TENM3: variants seen among roughly 807,000 people sequenced by gnomAD.
TENM3 encodes the protein teneurin transmembrane protein 3.
A neutral mutation model predicts 255.1 loss-of-function variants in TENM3; 63 were observed. The observed-to-expected ratio is 0.25, with a 90% confidence interval of 0.20 to 0.30. TENM3 has a LOEUF of 0.30. Among genes scored for constraint, TENM3 ranks in the 10% least tolerant of loss-of-function variants. The pLI, the probability that TENM3 is intolerant of heterozygous loss-of-function variation, is 1.00. For missense variants in TENM3, 2,929 were observed against 3,461.1 expected, an observed-to-expected ratio of 0.85 and a Z score of 3.86; for synonymous variants, 1,306 against 1,322.3, an observed-to-expected ratio of 0.99 and a Z score of 0.27.
chr4:182,616,711 C>G (rs1365685407), intron 4 of TENM3, among the ~76,000 whole-genome samples: 1 of 152,034 alleles, frequency 6.6e-6, no homozygotes, highest in Non-Finnish European at 1.5e-5. Context: ...TACAGAGCTT[C>G]TGAGGGCCAG....
the TENM3 span, among the ~76,000 whole-genome samples, chr4:181,515,966 T>C: frequency 1.3e-5 from 2 of 152,104 alleles, no homozygotes; most frequent in Admixed American, 6.5e-5. Flanking sequence ...CAATGGTAGA[T>C]TGGATAAAGA....
rs1012889793 is a variant in TENM3 at position 182,593,765 on chromosome 4, G to A, written c.512-7159G>A. Among the ~76,000 whole-genome samples, 6 of 152,084 alleles carry A rather than the reference G, an allele frequency of 3.9e-5. No homozygotes were observed. The East Asian group carries it at 9.7e-4, about 25-fold the overall frequency. ...CCTTTTACTTCCTCCCACATGAACC[G>A]AGCACACACATACAAATGCAGACAT... On this transcript the variant is annotated intron_variant, in intron 3 of 27. Transcript: ENST00000511685.
At chr4:181,863,359 A>C in the TENM3 span, among the ~76,000 whole-genome samples, 1 of 152,318 alleles carries the variant, frequency 6.6e-6, no homozygotes, top group Admixed American at 6.5e-5. Context: ...ACTACTAAAT[A>C]AAAATGTCAA....
chr4:182,428,543 T>C (rs1771398383), intron 3 of TENM3, among the ~76,000 whole-genome samples: 1 of 151,664 alleles, frequency 6.6e-6, no homozygotes, highest in South Asian at 2.1e-4. Context: ...ATGCCAATAG[T>C]TGGAGTTCTT....
chr4:182,603,784 T>TATATATATATATATATACACAC (rs58332965), intron 4 of TENM3, among the ~76,000 whole-genome samples: 3 of 134,164 alleles, frequency 2.2e-5, no homozygotes, highest in African/African-American at 8.2e-5. Flanking sequence ...TATATATATA[T>TATATATATATATATATACACAC]ACACACACAC....
intron 3 of TENM3, among the ~76,000 whole-genome samples, chr4:182,585,955 T>A (rs1745981213): frequency 6.6e-6 from 1 of 152,228 alleles, no homozygotes; most frequent in African/African-American, 2.4e-5. Flanking sequence ...TTTACTACTA[T>A]TTTAAAAGGC....
chr4:182,281,983 G>T (rs56133853), intron 1 of TENM3, among the ~76,000 whole-genome samples: 12 of 152,144 alleles, frequency 7.9e-5, no homozygotes, highest in African/African-American at 2.4e-4. Context: ...TAATCTGCCC[G>T]CCTCGGCCTC....
At chr4:181,606,358 C>T in the TENM3 span, among the ~76,000 whole-genome samples, 2 of 152,190 alleles carry the variant, frequency 1.3e-5, no homozygotes, top group Non-Finnish European at 2.9e-5. Flanking sequence ...CACTGACCTC[C>T]TCTTGTTCCT....
At chr4:181,921,984 G>A in the TENM3 span, among the ~76,000 whole-genome samples, 1 of 152,180 alleles carries the variant, frequency 6.6e-6, no homozygotes, top group Non-Finnish European at 1.5e-5. Context: ...TGCATCTATT[G>A]AGATAATCGT....
the TENM3 span, among the ~76,000 whole-genome samples, chr4:181,490,382 G>A: frequency 1.3e-5 from 2 of 152,136 alleles, no homozygotes; most frequent in African/African-American, 4.8e-5. Context: ...GACAGCCCAC[G>A]GGGATGTGCT....
the TENM3 span, among the ~76,000 whole-genome samples, chr4:181,730,300 C>G: frequency 6.6e-6 from 1 of 152,128 alleles, no homozygotes; most frequent in South Asian, 2.1e-4. Context: ...TGCACAGTCT[C>G]TAGAAGGTGG....
At chr4:181,811,583 TCA>T in the TENM3 span, among the ~76,000 whole-genome samples, 1 of 152,226 alleles carries the variant, frequency 6.6e-6, no homozygotes, top group Non-Finnish European at 1.5e-5. Flanking sequence ...TTTAATGGAC[TCA>T]CAGTTCCACA....
intron 12 of TENM3, among the ~76,000 whole-genome samples, chr4:182,709,836 T>C (rs1375556697): frequency 6.6e-6 from 1 of 152,168 alleles, no homozygotes; most frequent in Non-Finnish European, 1.5e-5. Flanking sequence ...TTTCTTACGG[T>C]TGGTTTTTAG....
the TENM3 span, among the ~76,000 whole-genome samples, chr4:181,591,629 C>T: frequency 1.3e-5 from 2 of 152,218 alleles, no homozygotes; most frequent in Non-Finnish European, 2.9e-5. Context: ...GTTGAGCGCA[C>T]ATCACTGCCT....
At chr4:182,558,171 C>T (rs767789847) in intron 3 of TENM3, among the ~76,000 whole-genome samples, 5 of 152,156 alleles carry the variant, frequency 3.3e-5, no homozygotes, top group African/African-American at 4.8e-5. Flanking sequence ...TGGGAATAGC[C>T]CTGCCCTGCC....
At chr4:181,805,260 A>G in the TENM3 span, among the ~76,000 whole-genome samples, 2 of 152,020 alleles carry the variant, frequency 1.3e-5, no homozygotes, top group East Asian at 3.9e-4. Context: ...CAAAACCGTT[A>G]CCACCACTCC....
At chr4:181,788,850 A>G in the TENM3 span, among the ~76,000 whole-genome samples, 5 of 152,284 alleles carry the variant, frequency 3.3e-5, no homozygotes, top group South Asian at 1.0e-3. Context: ...CCTCCGTCTC[A>G]GCTTTCCAAA....
At chr4:182,141,496 A>T (rs1749423689), upstream of TENM3, 1 of 137,898 alleles carries the variant, frequency 7.3e-6, no homozygotes, top group African/African-American at 2.5e-5. Context: ...TTTGTGTGAG[A>T]GACAGAGAGA....
At chr4:182,567,140 G>A (rs764881124) in intron 3 of TENM3, among the ~76,000 whole-genome samples, 1 of 152,172 alleles carries the variant, frequency 6.6e-6, no homozygotes, top group Non-Finnish European at 1.5e-5. Flanking sequence ...GAGCGCAAAA[G>A]GGAGTTTGCT....
Sources: allele counts gnomAD v4.1 joint callset (sites outside exome capture counted in the v4.1 genomes callset), GRCh38; gene constraint gnomAD v4.1.1; transcripts MANE v1.5; gene names NCBI Gene and HGNC (gene_info 2026-07-23, HGNC 2026-07-21).